Variants in CENPE observed in about 807,000 individuals in gnomAD.
The protein encoded by CENPE is centromere-associated protein E.
In CENPE, 145 loss-of-function variants were observed where a neutral mutation model predicts 336.1. The observed-to-expected ratio is 0.43, with a 90% CI of 0.38 to 0.50. The LOEUF (loss-of-function observed/expected upper bound fraction) is 0.50. Ranked by LOEUF, CENPE falls within the 20% of genes least tolerant of loss-of-function variation. The pLI is 0.00. For missense variants in CENPE, 2,719 were observed against 3,023.3 expected (o/e 0.90, Z 2.36); for synonymous variants, 1,013 against 984.8 (o/e 1.03, Z -0.54).
chr4:103,187,652 T>C (rs1239723147), intron 8 of CENPE, among the ~76,000 whole-genome samples: 1 of 152,116 alleles, frequency 6.6e-6, no homozygotes, highest in Non-Finnish European at 1.5e-5. Context: ...AAGGAAGCAC[T>C]AAACATGGAA....
chr4:103,140,877 T>C lies in CENPE; in HGVS notation c.5691A>G (p.Val1897=). ...VMKERDNLRR[V]EETLKLERDQ... ...CTCTCTCCAGTTTGAGTGTCTCCTC[T>C]ACTCTTCTTAGATTATCTCTTTCTT... The change falls in exon 36 of 49, where the codon GTA becomes GTG. Residue 1897 remains valine, a synonymous_variant. Transcript: ENST00000265148. 2 of 1,612,158 alleles carry C rather than the reference T, an allele frequency of 1.2e-6. No homozygotes were observed. The highest frequency in any genetic ancestry group is 1.1e-5 in the South Asian group (1 of 90,630).
chr4:103,124,690 C>A (rs1264389042), intron 42 of CENPE, among the ~76,000 whole-genome samples: 1 of 152,102 alleles, frequency 6.6e-6, no homozygotes, highest in Non-Finnish European at 1.5e-5. Flanking sequence ...TTATTGATAT[C>A]TTTTTTACTT....
chr4:103,193,511 TA>T (rs1233574670), intron 8 of CENPE, among the ~76,000 whole-genome samples: 1 of 151,980 alleles, frequency 6.6e-6, no homozygotes, highest in Non-Finnish European at 1.5e-5. Context: ...ATTTAGGCCC[TA>T]AAAATGCAGA....
chr4:103,132,960 TTATATATATA>T (rs56951110), intron 41 of CENPE, 64 bp from the exon 42 acceptor site: 14 of 148,224 alleles, frequency 9.4e-5, no homozygotes, highest in Non-Finnish European at 1.4e-4. Flanking sequence ...AATATTTTAT[TTATATATATA>T]TATATATATA....
chr4:103,141,739 C>A lies in CENPE; in HGVS notation c.5463+11G>T, dbSNP rs1752580000. 3 of 1,494,660 alleles carry A rather than the reference C, an allele frequency of 2.0e-6. No individual in the cohort carries two copies. The highest frequency in any genetic ancestry group is 2.7e-6 in the Non-Finnish European group (3 of 1,091,924). 92.6% of individuals were successfully genotyped at this position (1,494,660 alleles called of 1,614,324 possible). On this transcript the variant is annotated intron_variant, in intron 35 of 48. Transcript: ENST00000265148. ...TAGATATCCAATCAAACAATCCCCCCATAAAAATACCTTTTCTTGTAATTT... is the reference window on the plus strand; with the variant it reads ...TAGATATCCAATCAAACAATCCCCCAATAAAAATACCTTTTCTTGTAATTT...
chr4:103,152,239 A>G (rs908567381), intron 25 of CENPE, among the ~76,000 whole-genome samples: 1 of 152,354 alleles, frequency 6.6e-6, no homozygotes, highest in Non-Finnish European at 1.5e-5. Flanking sequence ...AAATTACAGA[A>G]GAAGATATAC....
intron 16 of CENPE, among the ~76,000 whole-genome samples, chr4:103,171,331 C>T (rs1231992573): frequency 6.6e-6 from 1 of 151,902 alleles, no homozygotes; most frequent in Non-Finnish European, 1.5e-5. Context: ...TCTTTTCTGA[C>T]CACAATGACA....
chr4:103,138,508 G>A lies in CENPE; in HGVS notation c.6205-59C>T, dbSNP rs1415719194. ...TGTCATGACTATATTCACATATAAT[G>A]TCTAATCGCACACTTCTAAATTACA... On this transcript the variant is annotated intron_variant, in intron 38 of 48. Transcript: ENST00000265148. The A allele has an allele frequency of 2.9e-6, 3 of 1,051,902 alleles. No homozygotes were observed. In the African/African-American group the frequency reaches 4.7e-5, roughly 16 times the overall value. The allele number at this position is 1,051,902 out of a possible 1,614,324, so 65.2% of individuals were successfully genotyped here.
Position 103,113,817 on chromosome 4 carries a change from T to G in CENPE, c.7540+638A>C, listed in dbSNP as rs1278783283. Among the ~76,000 whole-genome samples the G allele has an allele frequency of 1.1e-4, 16 of 151,132 alleles. 1 individual carries two copies. In the Admixed American group the frequency reaches 1.1e-3, roughly 10 times the overall value. On this transcript the variant is annotated intron_variant, in intron 46 of 48. Coordinates refer to ENST00000265148, the MANE Select transcript of CENPE (RefSeq NM_001813.3). ...CCACGATTTCATATAGCCATTGAGA[T>G]CTGCATCTTAGTTCAGTACTTGTTC...
intron 48 of CENPE, among the ~76,000 whole-genome samples, chr4:103,107,773 C>A (rs931912532): frequency 3.3e-5 from 5 of 152,180 alleles, no homozygotes; most frequent in Admixed American, 6.5e-5. Flanking sequence ...CAAGTCCACA[C>A]TACCATCATG....
At chr4:103,160,980 C>T in intron 20 of CENPE, 106 bp downstream of exon 20, 1 of 1,061,682 alleles carries the variant, frequency 9.4e-7, no homozygotes, top group Non-Finnish European at 1.3e-6. Context: ...TTTAAAAAGT[C>T]AGAGTATAAT....
intron 13 of CENPE, among the ~76,000 whole-genome samples, chr4:103,177,676 C>T (rs1176511375): frequency 1.3e-5 from 2 of 151,946 alleles, no homozygotes; most frequent in Non-Finnish European, 2.9e-5. Flanking sequence ...TTGTCTATTA[C>T]TTCAGAGCCT....
Position 103,155,369 on chromosome 4 carries a change from G to A in CENPE, c.3034-2119C>T, listed in dbSNP as rs1315060692. Among the ~76,000 whole-genome samples, 2 of 152,218 alleles carry A rather than the reference G, an allele frequency of 1.3e-5. 1 individual carries two copies. The highest frequency in any genetic ancestry group is 4.1e-4 in the South Asian group (2 of 4,824). Reference sequence around the variant, plus strand: ...CTGTCGCCCAAGCTGGAGTGCTGCAGCATGATCTGGGCTCACTGCAGCCTC... The same window carrying A: ...CTGTCGCCCAAGCTGGAGTGCTGCAACATGATCTGGGCTCACTGCAGCCTC... On this transcript the variant is annotated intron_variant, in intron 24 of 48. Coordinates refer to ENST00000265148, the MANE Select transcript of CENPE (RefSeq NM_001813.3).
Position 103,166,052 on chromosome 4 carries a change from T to G in CENPE, c.1648-2499A>C, listed in dbSNP as rs187060058. On this transcript the variant is annotated intron_variant, in intron 16 of 48. Coordinates refer to ENST00000265148, the MANE Select transcript of CENPE (RefSeq NM_001813.3). ...TGACTCAATTCAATAAGCTTCAATT[T>G]TTCTTATTAATATATTAATGATGTG... Among the ~76,000 whole-genome samples, 14 of 152,268 alleles carry G rather than the reference T, an allele frequency of 9.2e-5. No homozygotes were observed. In the East Asian group the frequency reaches 2.3e-3, roughly 25 times the overall value.
intron 13 of CENPE, among the ~76,000 whole-genome samples, chr4:103,178,189 A>T (rs1756042225): frequency 6.6e-6 from 1 of 151,894 alleles, no homozygotes; most frequent in African/African-American, 2.4e-5. Context: ...TACACGGCAC[A>T]CTCAAATGGC....
At chr4:103,154,571 T>C (rs1753818497) in intron 24 of CENPE, among the ~76,000 whole-genome samples, 1 of 152,178 alleles carries the variant, frequency 6.6e-6, no homozygotes, top group Non-Finnish European at 1.5e-5. Flanking sequence ...CGTAGTCTTT[T>C]GGGACTAGTC....
intron 8 of CENPE, among the ~76,000 whole-genome samples, chr4:103,191,117 G>C (rs1357781830): frequency 2.0e-5 from 3 of 152,194 alleles, no homozygotes; most frequent in African/African-American, 7.2e-5. Context: ...ACACCAGTTA[G>C]AATGGCAATC....
At chr4:103,191,658 G>GTCT (rs1757349269) in intron 8 of CENPE, among the ~76,000 whole-genome samples, 2 of 135,676 alleles carry the variant, frequency 1.5e-5, no homozygotes, top group Non-Finnish European at 3.2e-5. Flanking sequence ...TGGGGTGGGG[G>GTCT]GAGGGGGGGA....
chr4:103,145,735 G>C (rs1752996183), intron 30 of CENPE, 54 bp from the exon 31 acceptor site: 1 of 1,511,000 alleles, frequency 6.6e-7, no homozygotes, highest in Non-Finnish European at 8.8e-7. Context: ...TAACTATTTT[G>C]TTGTAATTAA....
Sources: gnomAD v4.1 joint callset for allele counts (sites outside exome capture counted in the v4.1 genomes callset) on GRCh38, gnomAD v4.1.1 for gene constraint, MANE v1.5 for transcripts, NCBI Gene and HGNC (gene_info 2026-07-23, HGNC 2026-07-21) for gene names.